Variants in HIPK3 observed in about 807,000 individuals in gnomAD.
The protein encoded by HIPK3 is homeodomain interacting protein kinase 3, also known as homeodomain-interacting protein kinase 3.
In HIPK3, 47 loss-of-function variants were observed where a neutral mutation model predicts 124.2. The ratio of observed to expected loss-of-function variants is 0.38; its 90% CI spans 0.30 to 0.48. The LOEUF (loss-of-function observed/expected upper bound fraction) is 0.48. Ranked by LOEUF, HIPK3 falls within the 20% of genes least tolerant of loss-of-function variation. The pLI, the probability that HIPK3 is intolerant of heterozygous loss-of-function variation, is 0.98. For missense variants in HIPK3, 1,286 were observed against 1,454.3 expected, an observed-to-expected ratio of 0.88 and a Z score of 1.88; for synonymous variants, 482 against 515.2, an observed-to-expected ratio of 0.94 and a Z score of 0.87.
chr11:33,306,190 G>A (rs1249630684), intron 2 of HIPK3, among the ~76,000 whole-genome samples: 10 of 152,088 alleles, frequency 6.6e-5, no homozygotes, highest in Admixed American at 2.6e-4. Flanking sequence ...TAATTTTTAC[G>A]TGTATGTTAT....
At chr11:33,263,694 T>C (rs1211887785) in intron 1 of HIPK3, among the ~76,000 whole-genome samples, 2 of 152,196 alleles carry the variant, frequency 1.3e-5, no homozygotes, top group Non-Finnish European at 2.9e-5. Flanking sequence ...AAAGATTAAG[T>C]CAGTAGCCTG....
At chr11:33,286,384 TC>T (rs747182661) in intron 1 of HIPK3, 28 bp from the exon 2 acceptor site, 4 of 1,391,796 alleles carry the variant, frequency 2.9e-6, no homozygotes, top group Non-Finnish European at 3.7e-6. Context: ...TCCTTTTTTT[TC>T]TTTTCCTTTT....
chr11:33,332,551 T>A (rs1228895897), intron 3 of HIPK3, among the ~76,000 whole-genome samples: 1 of 152,248 alleles, frequency 6.6e-6, no homozygotes, highest in Admixed American at 6.5e-5. Flanking sequence ...TCCAAAATGT[T>A]TGTTGGAGTT....
intron 1 of HIPK3, among the ~76,000 whole-genome samples, chr11:33,266,576 G>A (rs568272175): frequency 1.4e-4 from 21 of 152,208 alleles, no homozygotes; most frequent in African/African-American, 5.1e-4. Context: ...GCATGGTGGT[G>A]CATGCTTGTG....
chr11:33,334,755 G>A (rs1853089669), intron 3 of HIPK3, among the ~76,000 whole-genome samples: 1 of 152,180 alleles, frequency 6.6e-6, no homozygotes, highest in African/African-American at 2.4e-5. Context: ...GGTTGGACAA[G>A]CTTGCTCTAG....
chr11:33,348,770 G>C lies in HIPK3; in HGVS notation c.2618G>C (p.Ser873Thr), dbSNP rs776471428. Residue 873 changes from serine to threonine, a missense_variant, in exon 13 of 17, where the codon AGC becomes ACC. Ser to Thr is a moderately conservative substitution (Grantham distance 58, BLOSUM62 1). Coordinates refer to ENST00000303296, the MANE Select transcript of HIPK3 (RefSeq NM_005734.5). Reference protein sequence around the residue: ...PSPAVSVITISSDTDEEETSQ... With the variant: ...PSPAVSVITITSDTDEEETSQ... ...CCTGCAGTGAGTGTCATCACTATCA[G>C]CAGTGACACTGATGAGGAAGAGACT... 1 of 1,614,012 alleles carries C rather than the reference G, an allele frequency of 6.2e-7. No homozygotes were observed. Among genetic ancestry groups the C allele is most frequent in the Non-Finnish European group, 8.5e-7 (1 of 1,179,904 alleles).
chr11:33,295,032 T>TC (rs1015806645), intron 2 of HIPK3, among the ~76,000 whole-genome samples: 3 of 151,370 alleles, frequency 2.0e-5, no homozygotes, highest in East Asian at 1.9e-4. Flanking sequence ...AGTCGCCCCT[T>TC]CCCCCCCAGC....
At chr11:33,295,663 G>A (rs941253155) in intron 2 of HIPK3, among the ~76,000 whole-genome samples, 6 of 152,278 alleles carry the variant, frequency 3.9e-5, no homozygotes, top group African/African-American at 1.2e-4. Context: ...CAGTTATTTT[G>A]TAGACTGTTC....
At chr11:33,322,144 C>T (rs1183397451) in intron 2 of HIPK3, among the ~76,000 whole-genome samples, 4 of 152,080 alleles carry the variant, frequency 2.6e-5, no homozygotes, top group Non-Finnish European at 5.9e-5. Flanking sequence ...GGACTACAGG[C>T]GCTTGCCACC....
chr11:33,302,749 C>G (rs965821372), intron 2 of HIPK3, among the ~76,000 whole-genome samples: 1 of 151,876 alleles, frequency 6.6e-6, no homozygotes, highest in African/African-American at 2.4e-5. Flanking sequence ...ACGAGTGGAC[C>G]AGGAGCTGTT....
intron 2 of HIPK3, among the ~76,000 whole-genome samples, chr11:33,326,847 A>T (rs918722594): frequency 5.3e-4 from 81 of 151,776 alleles, no homozygotes; most frequent in South Asian, 1.0e-3. Flanking sequence ...ATTAAAAAAA[A>T]TTTTTTCTTT....
At chr11:33,339,566 C>A in intron 6 of HIPK3, 32 bp downstream of exon 6, 2 of 1,413,730 alleles carry the variant, frequency 1.4e-6, no homozygotes, top group Non-Finnish European at 1.9e-6. Context: ...TAAAGTGGTT[C>A]TAAAAAAAAA....
At position 33,257,611 on chromosome 11, in the gene HIPK3, A is replaced by AC; in HGVS notation, c.-277dup. On this transcript the variant is annotated 5_prime_UTR_variant, in exon 1 of 17. Coordinates refer to ENST00000303296, the MANE Select transcript of HIPK3 (RefSeq NM_005734.5). ...CCCTCGCCCTAGCCAAGCCGTCCCC[A>AC]CCCCAAATCCCCGGGAAGGAAGATG... The AC allele has an allele frequency of 1.0e-6, 1 of 987,316 alleles. No homozygotes were observed. The highest frequency in any genetic ancestry group is 1.2e-6 in the Non-Finnish European group (1 of 831,280). 61.2% of individuals were successfully genotyped at this position (987,316 alleles called of 1,614,324 possible).
At chr11:33,311,433 G>A (rs1229886156) in intron 2 of HIPK3, among the ~76,000 whole-genome samples, 3 of 152,152 alleles carry the variant, frequency 2.0e-5, no homozygotes, top group Non-Finnish European at 4.4e-5. Flanking sequence ...TTTAACCTTG[G>A]CCTCCCAAAG....
At chr11:33,266,713 AAAAC>A (rs982743332) in intron 1 of HIPK3, among the ~76,000 whole-genome samples, 99 of 152,204 alleles carry the variant, frequency 6.5e-4, no homozygotes, top group African/African-American at 1.7e-3. Flanking sequence ...CCTTATCTCA[AAAAC>A]AAACAAACAA....
rs760884860 is a variant in HIPK3 at position 33,287,073 on chromosome 11, A to G, written c.659A>G (p.Asn220Ser). The change falls in exon 2 of 17, where the codon AAT becomes AGT. Residue 220 changes from asparagine (N) to serine (S), a missense_variant. Transcript: ENST00000303296. ...QVVKCWKRGT[N>S]EIVAIKILKN... ...GTTAAATGCTGGAAAAGAGGGACAA[A>G]TGAAATTGTAGCAATCAAAATTTTG... 3.1e-6 allele frequency: 5 copies of G among 1,614,224 alleles called. No homozygotes were observed. The Admixed American group carries it at 6.7e-5, about 22-fold the overall frequency.
intron 14 of HIPK3, among the ~76,000 whole-genome samples, chr11:33,350,496 G>A (rs548711281): frequency 7.3e-5 from 11 of 149,706 alleles, no homozygotes; most frequent in East Asian, 5.9e-4. Flanking sequence ...GTGAGACCCC[G>A]CCTCTACCAA....
intron 1 of HIPK3, among the ~76,000 whole-genome samples, chr11:33,285,346 GT>G (rs541244471): frequency 3.2e-4 from 49 of 152,074 alleles, no homozygotes; most frequent in African/African-American, 1.2e-3. Flanking sequence ...TTTGGAGGAA[GT>G]TTAAAGGAAT....
At chr11:33,258,128 A>T (rs1460597593) in intron 1 of HIPK3, among the ~76,000 whole-genome samples, 2 of 151,844 alleles carry the variant, frequency 1.3e-5, no homozygotes, top group Admixed American at 6.6e-5. Flanking sequence ...AGCCGGCGCC[A>T]CGCCAGGCCC....
Sources: allele counts gnomAD v4.1 joint callset (sites outside exome capture counted in the v4.1 genomes callset), GRCh38; gene constraint gnomAD v4.1.1; transcripts MANE v1.5; gene names NCBI Gene and HGNC (gene_info 2026-07-23, HGNC 2026-07-21).